STK32B: variants seen among roughly 807,000 people sequenced by gnomAD.
STK32B encodes the protein serine/threonine kinase 32B.
Under a neutral mutation model 52.6 loss-of-function variants are expected in STK32B, and 43 were observed. That is an observed-to-expected ratio of 0.82 (90% CI 0.64 to 1.05). The LOEUF (loss-of-function observed/expected upper bound fraction) is 1.05. Among genes scored for constraint, STK32B ranks in the 50% least tolerant of loss-of-function variants. STK32B has a pLI of 0.00. For synonymous variants in STK32B, 238 were observed against 204.3 expected (o/e 1.17, Z -1.41); for missense variants, 621 against 534.6 (o/e 1.16, Z -1.59).
intron 3 of STK32B, among the ~76,000 whole-genome samples, chr4:5,287,653 A>G (rs1728639657): frequency 1.3e-5 from 2 of 151,770 alleles, no homozygotes; most frequent in Non-Finnish European, 2.9e-5. Context: ...GTACATGTAA[A>G]TAATACATAT....
intron 3 of STK32B, among the ~76,000 whole-genome samples, chr4:5,250,221 T>C (rs1332675941): frequency 6.6e-6 from 1 of 152,134 alleles, no homozygotes; most frequent in East Asian, 1.9e-4. Context: ...TGAACATGCA[T>C]GTGCCTTTAT....
intron 3 of STK32B, among the ~76,000 whole-genome samples, chr4:5,178,029 C>G (rs141184295): frequency 2.4e-4 from 36 of 152,350 alleles, no homozygotes; most frequent in African/African-American, 8.7e-4. Context: ...TCTTACAGCT[C>G]CACTAGGCAG....
chr4:5,316,005 G>T (rs1323622332), intron 3 of STK32B, among the ~76,000 whole-genome samples: 3 of 148,954 alleles, frequency 2.0e-5, no homozygotes, highest in Non-Finnish European at 4.4e-5. Context: ...GGGACTGGCC[G>T]AGTATTTTAT....
At chr4:5,333,530 T>G (rs1732416652) in intron 4 of STK32B, among the ~76,000 whole-genome samples, 4 of 152,228 alleles carry the variant, frequency 2.6e-5, no homozygotes. Context: ...CTTTTGGTGT[T>G]TTAGACATGA....
intron 3 of STK32B, among the ~76,000 whole-genome samples, chr4:5,297,892 CACT>C: frequency 6.6e-6 from 1 of 152,158 alleles, no homozygotes; most frequent in East Asian, 1.9e-4. Flanking sequence ...AGCATTTTTG[CACT>C]AGTTTTTCCT....
intron 4 of STK32B, among the ~76,000 whole-genome samples, chr4:5,364,915 G>A (rs377123800): frequency 1.3e-5 from 2 of 152,044 alleles, no homozygotes; most frequent in South Asian, 4.2e-4. Context: ...TGCTCTTGTT[G>A]CCCAGGCTGG....
chr4:5,159,135 G>A (rs1353196210), intron 2 of STK32B, among the ~76,000 whole-genome samples: 1 of 152,142 alleles, frequency 6.6e-6, no homozygotes, highest in East Asian at 1.9e-4. Context: ...GCTCCCCATG[G>A]GCAGGGCTGC....
chr4:5,394,607 T>A lies in STK32B; in HGVS notation c.435-3600T>A, dbSNP rs1178327646. On this transcript the variant is annotated intron_variant, in intron 4 of 11. Coordinates refer to ENST00000282908, the MANE Select transcript of STK32B (RefSeq NM_018401.3). The surrounding 1 kb of genome is among the most constrained non-coding windows in gnomAD (Gnocchi z 4.2). ...CTAAAGGCTCAAGAATCTGCCAGTC[T>A]GCCTCTGAGTTCTCCCTAGCTCCTT... Among the ~76,000 whole-genome samples, 3 of 152,246 alleles carry A rather than the reference T, an allele frequency of 2.0e-5. No homozygotes were observed. Among genetic ancestry groups the A allele is most frequent in the African/African-American group, 7.2e-5 (3 of 41,474 alleles).
intron 4 of STK32B, among the ~76,000 whole-genome samples, chr4:5,370,155 G>A (rs1056325076): frequency 1.3e-4 from 20 of 152,276 alleles, no homozygotes; most frequent in African/African-American, 4.1e-4. Context: ...GATTACAGGC[G>A]TGAGCCACCA....
rs1722512092 is a variant in STK32B at position 5,205,693 on chromosome 4, G to GCC, written c.260+37243_260+37244insCC. On this transcript the variant is annotated intron_variant, in intron 3 of 11. Coordinates refer to ENST00000282908, the MANE Select transcript of STK32B (RefSeq NM_018401.3). ...GGCAGAGGTTGACAGTTCTAGACCA[G>GCC]GCGCGCGCGCGTGTGTGTGTGTGTG... Among the ~76,000 whole-genome samples, 16 of 68,248 alleles carry GCC rather than the reference G, an allele frequency of 2.3e-4. No homozygotes were observed. The South Asian group carries it at 7.2e-3, about 31-fold the overall frequency. The allele number at this position is 68,248 out of a possible 152,430, so 44.8% of individuals were successfully genotyped here. A position where few individuals can be genotyped will look rare whatever the true frequency, so the allele number is the denominator to read the frequency against.
chr4:5,390,356 T>C (rs1736519913), intron 4 of STK32B, among the ~76,000 whole-genome samples: 1 of 152,210 alleles, frequency 6.6e-6, no homozygotes, highest in South Asian at 2.1e-4. Context: ...CTGCAGAATT[T>C]CCCCTTTCAC....
intron 3 of STK32B, among the ~76,000 whole-genome samples, chr4:5,188,812 C>G (rs1404431477): frequency 1.0e-4 from 13 of 127,038 alleles, no homozygotes; most frequent in African/African-American, 3.9e-4. Flanking sequence ...TTAAGAAAAA[C>G]TGGTGTAACA....
intron 3 of STK32B, among the ~76,000 whole-genome samples, chr4:5,290,770 A>G (rs78286861): frequency 3.3e-5 from 5 of 152,126 alleles, no homozygotes; most frequent in East Asian, 3.8e-4. Flanking sequence ...ATATACATAA[A>G]GAAAATATTC....
chr4:5,097,167 G>A (rs10029617), intron 1 of STK32B, among the ~76,000 whole-genome samples: 44,600 of 152,178 alleles, frequency 0.29, 7,505 homozygotes, highest in Middle Eastern at 0.41. Context: ...TATTTTTGTT[G>A]TGGAATGGAA....
At chr4:5,060,864 C>G (rs1448021533) in intron 1 of STK32B, among the ~76,000 whole-genome samples, 1 of 152,100 alleles carries the variant, frequency 6.6e-6, no homozygotes, top group East Asian at 1.9e-4. Flanking sequence ...TGTTTCTGAG[C>G]AAAAGACAGC....
chr4:5,206,602 A>G lies in STK32B; in HGVS notation c.260+38152A>G, dbSNP rs928443321. 7.2e-5 allele frequency among the ~76,000 whole-genome samples: 11 copies of G among 152,274 alleles called. No individual in the cohort carries two copies. The East Asian group carries it at 1.4e-3, about 19-fold the overall frequency. On this transcript the variant is annotated intron_variant, in intron 3 of 11. Transcript: ENST00000282908. ...GGATAGGCCGATGAATGGAGGCCTC[A>G]GTAATTGAAATGACGAATGATGAGT...
chr4:5,461,298 A>C (rs892149284), intron 9 of STK32B, among the ~76,000 whole-genome samples: 1 of 152,142 alleles, frequency 6.6e-6, no homozygotes. Context: ...TATTATGTGA[A>C]TGGAGGTGGA....
Position 5,380,259 on chromosome 4 carries a change from C to G in STK32B, c.435-17948C>G, listed in dbSNP as rs1321608177. Among the ~76,000 whole-genome samples the G allele has an allele frequency of 6.6e-6, 1 of 152,140 alleles. No individual in the cohort carries two copies. Among genetic ancestry groups the G allele is most frequent in the Non-Finnish European group, 1.5e-5 (1 of 68,026 alleles). ...ACATGCTATGTCAGAGCAACCCCAT[C>G]CCCATGGCCACGCACACCCTGATCT... On this transcript the variant is annotated intron_variant, in intron 4 of 11. Transcript: ENST00000282908. The surrounding 1 kb of genome is among the most constrained non-coding windows in gnomAD (Gnocchi z 4.3).
At chr4:5,322,254 C>T (rs187414253) in intron 3 of STK32B, among the ~76,000 whole-genome samples, 49 of 152,162 alleles carry the variant, frequency 3.2e-4, no homozygotes, top group African/African-American at 9.6e-4. Flanking sequence ...CTTTTTTCCT[C>T]GTACAATATG....
Sources: gnomAD v4.1 joint callset for allele counts (sites outside exome capture counted in the v4.1 genomes callset) on GRCh38, gnomAD v4.1.1 for gene constraint, Gnocchi (gnomAD v3.1) non-coding constraint, MANE v1.5 for transcripts, NCBI Gene and HGNC (gene_info 2026-07-23, HGNC 2026-07-21) for gene names.